POU2F1: variants seen among roughly 807,000 people sequenced by gnomAD.
The protein encoded by POU2F1 is POU class 2 homeobox 1, also known as POU domain, class 2, transcription factor 1.
POU2F1 carries 16 observed loss-of-function variants against 84.9 expected under a neutral mutation model. That is an observed-to-expected ratio of 0.19 (90% CI 0.13 to 0.29). The LOEUF (loss-of-function observed/expected upper bound fraction) is 0.29, where lower values mean the gene tolerates loss of function less well. POU2F1 is among the 10% of genes least tolerant of loss of function. POU2F1 has a pLI of 1.00. For synonymous variants in POU2F1, 368 were observed against 368.3 expected (o/e 1.00, Z 0.01); for missense variants, 738 against 942.6 (o/e 0.78, Z 2.84).
At chr1:167,282,146 T>TAA (rs1206317933) in intron 1 of POU2F1, among the ~76,000 whole-genome samples, 1 of 147,006 alleles carries the variant, frequency 6.8e-6, no homozygotes, top group Non-Finnish European at 1.5e-5. Context: ...TTTTTTTTCT[T>TAA]ATTTTTTTTT....
At chr1:167,293,590 G>A (rs752449429) in intron 1 of POU2F1, among the ~76,000 whole-genome samples, 34 of 152,118 alleles carry the variant, frequency 2.2e-4, no homozygotes, top group Non-Finnish European at 4.4e-4. Context: ...ATTTTTCATG[G>A]AATTAGAAAA....
rs1659378808 is a variant in POU2F1, at chr1:167,361,921, C to T, written c.128-3546C>T. 2.0e-5 allele frequency among the ~76,000 whole-genome samples: 3 copies of T among 152,000 alleles called. No individual in the cohort carries two copies. In the South Asian group the frequency reaches 6.2e-4, roughly 32 times the overall value. On this transcript the variant is annotated intron_variant, in intron 2 of 15. Coordinates refer to ENST00000367866, the MANE Select transcript of POU2F1 (RefSeq NM_002697.4). ...TTTTTTTTCTACTTTTCCAACTGCT[C>T]CTTCTGTTTCTCTGTGTCTTCATGT...
At chr1:167,265,862 G>A (rs1031024426) in intron 1 of POU2F1, among the ~76,000 whole-genome samples, 2 of 152,210 alleles carry the variant, frequency 1.3e-5, no homozygotes, top group African/African-American at 4.8e-5. Context: ...GGTCCAAAAT[G>A]TCAGTAGTAC....
Position 167,256,016 on chromosome 1 carries a change from C to T in POU2F1, c.61+35058C>T, listed in dbSNP as rs189450443. ...TGCTTACGGGGTGGTGTTTACTTTG[C>T]TTCAGGATTCAGGATTGTGTTCCCC... On this transcript the variant is annotated intron_variant, in intron 1 of 15. Coordinates refer to ENST00000367866, the MANE Select transcript of POU2F1 (RefSeq NM_002697.4). Among the ~76,000 whole-genome samples, 120 of 152,250 alleles carry T rather than the reference C, an allele frequency of 7.9e-4. 1 individual carries two copies. The highest frequency in any genetic ancestry group is 7.8e-3 in the Admixed American group (120 of 15,288).
In POU2F1 at chr1:167,393,984, CATTTTATTTTATTTT is replaced by C. The variant is rs72197092; in HGVS notation, c.988-2272_988-2258del. 6.9e-3 allele frequency among the ~76,000 whole-genome samples: 1,024 copies of C among 148,418 alleles called. 12 individuals carry two copies. The highest frequency in any genetic ancestry group is 0.023 in the African/African-American group (924 of 40,200). ...GTGAATATTTGATTGAATGAAGTAA[CATTTTATTTTATTTT>C]ATTTTATTTTATTTTATTTTATTTT... On this transcript the variant is annotated intron_variant, in intron 9 of 15. Transcript: ENST00000367866.
intron 1 of POU2F1, among the ~76,000 whole-genome samples, chr1:167,240,392 GAGTA>G (rs1649812749): frequency 6.6e-6 from 1 of 152,166 alleles, no homozygotes; most frequent in African/African-American, 2.4e-5. Flanking sequence ...TTAGAAAAAA[GAGTA>G]AGAGTTGAAT....
intron 1 of POU2F1, among the ~76,000 whole-genome samples, chr1:167,299,128 A>T (rs767114885): frequency 6.9e-6 from 1 of 144,410 alleles, no homozygotes; most frequent in African/African-American, 2.5e-5. Flanking sequence ...GCACCATTGC[A>T]CTCCAGCCTG....
chr1:167,272,390 CAA>C (rs35666628), intron 1 of POU2F1, among the ~76,000 whole-genome samples: 6 of 82,200 alleles, frequency 7.3e-5, no homozygotes, highest in Non-Finnish European at 1.0e-4. Context: ...ATTAGGATTT[CAA>C]AAAAAAAAAA....
chr1:167,402,797 G>A (rs961324217), intron 13 of POU2F1, among the ~76,000 whole-genome samples: 1 of 152,060 alleles, frequency 6.6e-6, no homozygotes, highest in African/African-American at 2.4e-5. Context: ...CATTGTGTTG[G>A]GCACCAAGAA....
intron 13 of POU2F1, among the ~76,000 whole-genome samples, chr1:167,411,184 C>T (rs1160824220): frequency 1.3e-5 from 2 of 151,892 alleles, no homozygotes; most frequent in East Asian, 1.9e-4. Flanking sequence ...GAACTACAGG[C>T]GCGTGCCACC....
At chr1:167,239,357 T>C (rs372858003) in intron 1 of POU2F1, among the ~76,000 whole-genome samples, 1 of 152,246 alleles carries the variant, frequency 6.6e-6, no homozygotes, top group East Asian at 1.9e-4. Context: ...CAAGACATAG[T>C]TAACTCCTAG....
intron 1 of POU2F1, among the ~76,000 whole-genome samples, chr1:167,303,970 T>C (rs954592783): frequency 3.3e-5 from 5 of 152,192 alleles, no homozygotes; most frequent in African/African-American, 1.2e-4. Context: ...TTTTATAAAA[T>C]TAATGTAGTA....
chr1:167,337,844 C>G, intron 2 of POU2F1: 1 of 273,940 alleles, frequency 3.7e-6, no homozygotes, highest in East Asian at 1.1e-4. Flanking sequence ...GACATGAAAG[C>G]ACACCAAGAT....
intron 1 of POU2F1, among the ~76,000 whole-genome samples, chr1:167,222,805 A>G (rs35824537): frequency 0.012 from 1,840 of 152,246 alleles, 14 homozygotes; most frequent in South Asian, 0.027. Flanking sequence ...AGGGGGAAAA[A>G]TCTGTCCTGT....
At chr1:167,234,150 G>A (rs994183377) in intron 1 of POU2F1, among the ~76,000 whole-genome samples, 12 of 152,342 alleles carry the variant, frequency 7.9e-5, no homozygotes, top group African/African-American at 2.4e-4. Flanking sequence ...GGAATTGGGG[G>A]ATTGCAGAAT....
chr1:167,309,334 ACTT>A (rs1655299935), intron 1 of POU2F1, among the ~76,000 whole-genome samples: 1 of 152,036 alleles, frequency 6.6e-6, no homozygotes, highest in Admixed American at 6.6e-5. Flanking sequence ...TTATACCAAA[ACTT>A]CTAATTCCAA....
Position 167,313,459 on chromosome 1 carries a change from A to G in POU2F1, c.62-19011A>G, listed in dbSNP as rs113850458. 9.2e-3 allele frequency among the ~76,000 whole-genome samples: 1,401 copies of G among 152,326 alleles called. 10 individuals carry two copies. The highest frequency in any genetic ancestry group is 0.015 in the Non-Finnish European group (1,008 of 68,022). On this transcript the variant is annotated intron_variant, in intron 1 of 15. Coordinates refer to ENST00000367866, the MANE Select transcript of POU2F1 (RefSeq NM_002697.4). ...AGCCACAGGAATCAAGCCTGAGAGT[A>G]TTGGTGGAGGGATAAACACAGATCA... is the stretch of plus-strand genomic sequence containing the variant.
intron 2 of POU2F1, among the ~76,000 whole-genome samples, chr1:167,336,288 T>C (rs1229110723): frequency 6.6e-6 from 1 of 152,232 alleles, no homozygotes; most frequent in African/African-American, 2.4e-5. Context: ...CCACCTCTTG[T>C]TGCTATTGCA....
At chr1:167,257,508 A>C (rs1285814790) in intron 1 of POU2F1, among the ~76,000 whole-genome samples, 2 of 152,234 alleles carry the variant, frequency 1.3e-5, no homozygotes, top group East Asian at 3.8e-4. Context: ...TATAGGGCTG[A>C]ACATACATAG....
Sources: allele counts gnomAD v4.1 joint callset (sites outside exome capture counted in the v4.1 genomes callset), GRCh38; gene constraint gnomAD v4.1.1; transcripts MANE v1.5; gene names NCBI Gene and HGNC (gene_info 2026-07-23, HGNC 2026-07-21).